HVCN1: variants seen among roughly 807,000 people sequenced by gnomAD.
The protein encoded by HVCN1 is hydrogen voltage gated channel 1, also known as voltage-gated hydrogen channel 1.
In HVCN1, 14 loss-of-function variants were observed where a neutral mutation model predicts 29.2. That is an observed-to-expected ratio of 0.48 (90% CI 0.32 to 0.75). The LOEUF (loss-of-function observed/expected upper bound fraction) is 0.75. HVCN1 is among the 30% of genes least tolerant of loss of function. The pLI is 0.04. For missense variants in HVCN1, 263 were observed against 341.8 expected (o/e 0.77, Z 1.82); for synonymous variants, 131 against 133.2 (o/e 0.98, Z 0.11).
intron 3 of HVCN1, among the ~76,000 whole-genome samples, chr12:110,679,480 G>A (rs12831873): frequency 0.038 from 5,856 of 152,304 alleles, 154 homozygotes; most frequent in Middle Eastern, 0.085. Context: ...CAGGCACCCG[G>A]CTAAGTGTTT....
chr12:110,662,963 G>A lies in HVCN1; in HGVS notation c.22-1515C>T, dbSNP rs60709664. Among the ~76,000 whole-genome samples the A allele has an allele frequency of 5.9e-5, 9 of 152,330 alleles. No individual in the cohort carries two copies. In the East Asian group the frequency reaches 1.2e-3, roughly 20 times the overall value. On this transcript the variant is annotated intron_variant, in intron 3 of 7. Coordinates refer to ENST00000242607, the MANE Select transcript of HVCN1 (RefSeq NM_032369.4). ...CAGTGGACGTTGACAGGCAGGTCAT[G>A]TAAGAGAAAACTCAAATAGCCAAGA... is the stretch of plus-strand genomic sequence containing the variant.
chr12:110,695,746 G>C (rs557265456), intron 2 of HVCN1, among the ~76,000 whole-genome samples: 1 of 152,320 alleles, frequency 6.6e-6, no homozygotes, highest in Non-Finnish European at 1.5e-5. Flanking sequence ...TTTCAGAAGA[G>C]AGAACAGCAT....
intron 3 of HVCN1, among the ~76,000 whole-genome samples, chr12:110,677,352 C>T (rs1218719831): frequency 6.6e-6 from 1 of 152,200 alleles, no homozygotes; most frequent in Admixed American, 6.5e-5. Context: ...TGGCTGGTTT[C>T]TCCAACCACA....
upstream of HVCN1, among the ~76,000 whole-genome samples, chr12:110,694,352 G>A (rs991856334): frequency 4.3e-4 from 66 of 152,320 alleles, no homozygotes; most frequent in African/African-American, 1.5e-3. This position sits in a 1 kb window ranked among gnomAD's most constrained non-coding sequence, Gnocchi z 4.6. Context: ...ATGAGCCACC[G>A]CGCCTGGCCA....
chr12:110,657,215 C>T (rs919563477), intron 4 of HVCN1, among the ~76,000 whole-genome samples: 28 of 152,136 alleles, frequency 1.8e-4, no homozygotes, highest in African/African-American at 6.3e-4. Flanking sequence ...GCTCTGGGGC[C>T]GGACACGGTG....
rs548321058 is a variant in HVCN1 at position 110,656,573 on chromosome 12, C to T, written c.307-1235G>A. Reference sequence around the variant, plus strand: ...TCCCTTGGAAATTCCAGGCCATCACCGTACCCACCCCCCCGCCAGGGCCTT... The same window carrying T: ...TCCCTTGGAAATTCCAGGCCATCACTGTACCCACCCCCCCGCCAGGGCCTT... On this transcript the variant is annotated intron_variant, in intron 4 of 7. Transcript: ENST00000242607. Among the ~76,000 whole-genome samples, 16 of 152,226 alleles carry T rather than the reference C, an allele frequency of 1.1e-4. No homozygotes were observed. In the South Asian group the frequency reaches 2.7e-3, roughly 26 times the overall value.
At chr12:110,660,546 T>C (rs2068134727) in intron 4 of HVCN1, among the ~76,000 whole-genome samples, 1 of 152,206 alleles carries the variant, frequency 6.6e-6, no homozygotes, top group Non-Finnish European at 1.5e-5. Flanking sequence ...TTATTTACCC[T>C]TTATTTATTT....
intron 2 of HVCN1, among the ~76,000 whole-genome samples, chr12:110,684,106 C>T (rs1362982748): frequency 1.3e-5 from 2 of 151,754 alleles, no homozygotes; most frequent in African/African-American, 2.4e-5. Context: ...TGGTGGTTGC[C>T]AGGGGCTGGG....
At chr12:110,665,354 T>C (rs953321017) in intron 3 of HVCN1, among the ~76,000 whole-genome samples, 2 of 151,894 alleles carry the variant, frequency 1.3e-5, no homozygotes, top group African/African-American at 4.8e-5. Context: ...GGTCAGGAGT[T>C]TGAGACCAGC....
At chr12:110,649,827 C>T (rs921923702) in intron 7 of HVCN1, among the ~76,000 whole-genome samples, 3 of 150,910 alleles carry the variant, frequency 2.0e-5, no homozygotes, top group African/African-American at 7.3e-5. Flanking sequence ...GCGGGTGCTG[C>T]GGCAGAGGCC....
At chr12:110,652,050 A>G (rs2067831505) in intron 5 of HVCN1, among the ~76,000 whole-genome samples, 1 of 152,208 alleles carries the variant, frequency 6.6e-6, no homozygotes. Flanking sequence ...ATATGTTCCA[A>G]TTAGGAGTGA....
chr12:110,657,466 G>T (rs2068026956), intron 4 of HVCN1, among the ~76,000 whole-genome samples: 1 of 149,118 alleles, frequency 6.7e-6, no homozygotes, highest in Non-Finnish European at 1.5e-5. Flanking sequence ...TTGCAGTCCA[G>T]CTTGGGCAAC....
intron 3 of HVCN1, chr12:110,682,834 A>C (rs1399229852): frequency 1.1e-5 from 3 of 277,898 alleles, no homozygotes; most frequent in African/African-American, 7.0e-5. Context: ...GTGGTGGTGC[A>C]TGCCTGTAAT....
At chr12:110,652,988 G>A (rs773872389) in intron 5 of HVCN1, among the ~76,000 whole-genome samples, 5 of 152,168 alleles carry the variant, frequency 3.3e-5, no homozygotes, top group Admixed American at 6.5e-5. Flanking sequence ...AGCCAATGAA[G>A]ACTCCCTGCT....
chr12:110,683,871 A>C (rs1355201575), intron 2 of HVCN1, among the ~76,000 whole-genome samples: 1 of 149,446 alleles, frequency 6.7e-6, no homozygotes, highest in Non-Finnish European at 1.5e-5. Flanking sequence ...AGATCGTGCC[A>C]CTGCACTCCA....
chr12:110,655,033 C>T (rs1449797003), intron 5 of HVCN1, among the ~76,000 whole-genome samples: 1 of 152,092 alleles, frequency 6.6e-6, no homozygotes, highest in Admixed American at 6.5e-5. Context: ...CCCAGGATTC[C>T]AGCCATCATG....
chr12:110,649,560 C>T, intron 7 of HVCN1, 85 bp from the exon 8 acceptor site: 1 of 947,240 alleles, frequency 1.1e-6, no homozygotes, highest in Non-Finnish European at 1.7e-6. Flanking sequence ...GCCCCAGGCA[C>T]AGGACCACAG....
At chr12:110,698,897 G>A (rs577241629) in intron 2 of HVCN1, among the ~76,000 whole-genome samples, 2 of 152,348 alleles carry the variant, frequency 1.3e-5, no homozygotes, top group East Asian at 3.9e-4. Context: ...GGAGGCCAAG[G>A]TGGGCAGATC....
chr12:110,657,745 C>T (rs1228261143), intron 4 of HVCN1, among the ~76,000 whole-genome samples: 2 of 152,200 alleles, frequency 1.3e-5, no homozygotes, highest in Non-Finnish European at 2.9e-5. Context: ...ATCCCTGGGG[C>T]CCTGAATCTG....
Sources: allele counts gnomAD v4.1 joint callset (sites outside exome capture counted in the v4.1 genomes callset), GRCh38; gene constraint gnomAD v4.1.1; non-coding constraint Gnocchi (gnomAD v3.1); transcripts MANE v1.5; gene names NCBI Gene and HGNC (gene_info 2026-07-23, HGNC 2026-07-21).